CACNG2: variants seen among roughly 807,000 people sequenced by gnomAD.
CACNG2 encodes the protein calcium voltage-gated channel auxiliary subunit gamma 2, also known as voltage-dependent calcium channel gamma-2 subunit.
A neutral mutation model predicts 25.9 loss-of-function variants in CACNG2; 3 were observed. That is an observed-to-expected ratio of 0.12 (90% confidence interval 0.05 to 0.30). CACNG2 has a LOEUF of 0.30. Ranked by LOEUF, CACNG2 falls within the 10% of genes least tolerant of loss-of-function variation. The probability of loss-of-function intolerance (pLI) is 1.00; values close to 1 mark genes in which losing one functional copy is unlikely to be tolerated. For synonymous variants in CACNG2, 167 were observed against 173.3 expected (o/e 0.96, Z 0.29); for missense variants, 341 against 432.5 (o/e 0.79, Z 1.88).
intron 1 of CACNG2, among the ~76,000 whole-genome samples, chr22:36,693,755 G>T (rs1937296244): frequency 6.6e-6 from 1 of 152,140 alleles, no homozygotes; most frequent in Admixed American, 6.5e-5. Context: ...TGTCTGAAGT[G>T]CTCTTTCTTT....
intron 1 of CACNG2, among the ~76,000 whole-genome samples, chr22:36,657,766 TG>T (rs140365211): frequency 0.02 from 3,035 of 152,168 alleles, 55 homozygotes; most frequent in Non-Finnish European, 0.031. Context: ...GAGGTCTGTG[TG>T]TTTCCTTTGC....
chr22:36,614,762 C>T (rs1239928461), intron 1 of CACNG2, among the ~76,000 whole-genome samples: 2 of 152,128 alleles, frequency 1.3e-5, no homozygotes, highest in Admixed American at 6.5e-5. Flanking sequence ...AGAGAACACA[C>T]CTATTGACTC....
intron 1 of CACNG2, among the ~76,000 whole-genome samples, chr22:36,598,872 G>A (rs932700347): frequency 7.9e-5 from 12 of 152,174 alleles, no homozygotes; most frequent in African/African-American, 2.2e-4. Context: ...CCAGCTACTC[G>A]GGAGGCTGAG....
At position 36,563,084 on chromosome 22, in the gene CACNG2, A is replaced by G. The variant is rs1051120012; in HGVS notation, c.*1267T>C. 5.9e-5 allele frequency among the ~76,000 whole-genome samples: 9 copies of G among 151,790 alleles called. No homozygotes were observed. The highest frequency in any genetic ancestry group is 7.4e-5 in the Non-Finnish European group (5 of 67,978). On this transcript the variant is annotated 3_prime_UTR_variant, in exon 4 of 4. Transcript: ENST00000300105. ...GATTTTCTTGCAAGTAAATCCACTT[A>G]TTTTGTATTTACATTTATTTATAGT...
chr22:36,674,230 A>G (rs951410950), intron 1 of CACNG2, among the ~76,000 whole-genome samples: 15 of 152,360 alleles, frequency 9.8e-5, no homozygotes, highest in Non-Finnish European at 8.8e-5. Flanking sequence ...AGGGGTGACC[A>G]TGGGAAAGCA....
At chr22:36,579,174 G>C (rs574083274) in intron 2 of CACNG2, among the ~76,000 whole-genome samples, 9 of 152,204 alleles carry the variant, frequency 5.9e-5, no homozygotes, top group African/African-American at 2.2e-4. Context: ...GGAAGCCGAG[G>C]TGGGTGGATC....
chr22:36,596,062 G>A (rs1196511906), intron 1 of CACNG2, among the ~76,000 whole-genome samples: 1 of 152,246 alleles, frequency 6.6e-6, no homozygotes, highest in Non-Finnish European at 1.5e-5. Flanking sequence ...ATTAGGGGCT[G>A]AACAGACTCT....
At chr22:36,637,300 C>T (rs990390520) in intron 1 of CACNG2, among the ~76,000 whole-genome samples, 8 of 152,168 alleles carry the variant, frequency 5.3e-5, no homozygotes, top group Non-Finnish European at 8.8e-5. Flanking sequence ...CCTGAAGGTG[C>T]CCAGGGACTG....
At chr22:36,645,595 A>G (rs998973907) in intron 1 of CACNG2, among the ~76,000 whole-genome samples, 2 of 151,476 alleles carry the variant, frequency 1.3e-5, no homozygotes, top group Non-Finnish European at 2.9e-5. Flanking sequence ...TTATTATTAC[A>G]TGTGCTTGTA....
chr22:36,673,317 G>T (rs1333487815), intron 1 of CACNG2, among the ~76,000 whole-genome samples: 1 of 152,172 alleles, frequency 6.6e-6, no homozygotes, highest in Non-Finnish European at 1.5e-5. Context: ...TCCAGCAAAA[G>T]AGAAGAAGGC....
intron 1 of CACNG2, among the ~76,000 whole-genome samples, chr22:36,630,804 G>A (rs1172687410): frequency 6.6e-6 from 1 of 152,118 alleles, no homozygotes; most frequent in Non-Finnish European, 1.5e-5. Context: ...AGTAAGGCGG[G>A]ATGGAGAGAT....
At chr22:36,683,616 C>T (rs1601454904) in intron 1 of CACNG2, among the ~76,000 whole-genome samples, 1 of 152,312 alleles carries the variant, frequency 6.6e-6, no homozygotes, top group East Asian at 1.9e-4. Context: ...AGAAATCTTA[C>T]AGCTTCTTCC....
rs887222242 is a variant in CACNG2, at chr22:36,594,703, CTGTGTGTGTGTGCA to C, written c.212-7169_212-7156del. Among the ~76,000 whole-genome samples the C allele has an allele frequency of 4.8e-5, 7 of 144,936 alleles. No homozygotes were observed. In the South Asian group the frequency reaches 1.1e-3, roughly 23 times the overall value. On this transcript the variant is annotated intron_variant, in intron 1 of 3. Coordinates refer to ENST00000300105, the MANE Select transcript of CACNG2 (RefSeq NM_006078.5). ...CCCGCGTGTGTGTCTGTGTGTGTGT[CTGTGTGTGTGTGCA>C]TGTGTGTGTGTCTGTGTGTGCATGG...
At chr22:36,590,116 C>T (rs1022927944) in intron 1 of CACNG2, among the ~76,000 whole-genome samples, 23 of 152,126 alleles carry the variant, frequency 1.5e-4, no homozygotes, top group African/African-American at 3.9e-4. Flanking sequence ...GGGCCACACC[C>T]GCTCCTGTTC....
chr22:36,561,321 C>G lies in CACNG2; in HGVS notation c.*3030G>C, dbSNP rs1249657225. 1.3e-5 allele frequency: 2 copies of G among 152,258 alleles called. No individual in the cohort carries two copies. Among genetic ancestry groups the G allele is most frequent in the Admixed American group, 1.3e-4 (2 of 15,284 alleles). 9.4% of individuals were successfully genotyped at this position (152,258 alleles called of 1,614,324 possible). ...TCTCCCTTCGCTCTCATCCTTGATC[C>G]CTTTAGGTCTGGAATCTGGTGGGAT... On this transcript the variant is annotated 3_prime_UTR_variant, in exon 4 of 4. Transcript: ENST00000300105.
At chr22:36,577,666 A>G (rs1024443981) in intron 2 of CACNG2, among the ~76,000 whole-genome samples, 3 of 151,754 alleles carry the variant, frequency 2.0e-5, no homozygotes, top group Non-Finnish European at 2.9e-5. Context: ...AAAAAAAAAA[A>G]AAAAGAAATG....
intron 1 of CACNG2, among the ~76,000 whole-genome samples, chr22:36,652,799 G>T (rs1218079820): frequency 6.6e-6 from 1 of 152,106 alleles, no homozygotes; most frequent in Admixed American, 6.5e-5. Flanking sequence ...AAGATACCCT[G>T]TGAGCAATTA....
In CACNG2 at chr22:36,571,439, G is replaced by A. The variant is rs538700599; in HGVS notation, c.296-4946C>T. 1.5e-3 allele frequency among the ~76,000 whole-genome samples: 225 copies of A among 150,804 alleles called. 1 individual carries two copies. Among genetic ancestry groups the A allele is most frequent in the Middle Eastern group, 0.01 (3 of 292 alleles). ...GCCACTGCACTCTAGCCTGGGTGAC[G>A]GAGCGAGGTTCCATCTCAGAAAAAA... On this transcript the variant is annotated intron_variant, in intron 2 of 3. Transcript: ENST00000300105.
chr22:36,671,967 G>T (rs1454924489), intron 1 of CACNG2, among the ~76,000 whole-genome samples: 1 of 152,148 alleles, frequency 6.6e-6, no homozygotes, highest in African/African-American at 2.4e-5. Context: ...ATAGGAACAG[G>T]TAAGACGGGT....
Sources: gnomAD v4.1 joint callset for allele counts (sites outside exome capture counted in the v4.1 genomes callset) on GRCh38, gnomAD v4.1.1 for gene constraint, MANE v1.5 for transcripts, NCBI Gene and HGNC (gene_info 2026-07-23, HGNC 2026-07-21) for gene names.